PARL: variants seen among roughly 807,000 people sequenced by gnomAD.
PARL encodes presenilin-associated rhomboid-like protein, mitochondrial.
Under a neutral mutation model 51.6 loss-of-function variants are expected in PARL, and 44 were observed. That is an observed-to-expected ratio of 0.85 (90% CI 0.67 to 1.10). The LOEUF (loss-of-function observed/expected upper bound fraction) is 1.10, where lower values mean the gene tolerates loss of function less well. Among genes scored for constraint, PARL ranks in the 50% least tolerant of loss-of-function variants. The pLI is 0.00. For synonymous variants in PARL, 172 were observed against 164.0 expected, an observed-to-expected ratio of 1.05 and a Z score of -0.37; for missense variants, 441 against 469.5, an observed-to-expected ratio of 0.94 and a Z score of 0.56.
At chr3:183,884,293 T>G (rs1306790977) in intron 1 of PARL, among the ~76,000 whole-genome samples, 1 of 152,198 alleles carries the variant, frequency 6.6e-6, no homozygotes, top group Non-Finnish European at 1.5e-5. Context: ...GACTTCGTCC[T>G]CCCTTAGATC....
chr3:183,876,962 A>C (rs1233340832), intron 1 of PARL, among the ~76,000 whole-genome samples: 2 of 152,266 alleles, frequency 1.3e-5, no homozygotes, highest in African/African-American at 2.4e-5. Flanking sequence ...CTGTAATCCC[A>C]GTACCCTGGG....
At chr3:183,859,689 A>T (rs1252078836) in intron 4 of PARL, among the ~76,000 whole-genome samples, 1 of 152,150 alleles carries the variant, frequency 6.6e-6, no homozygotes, top group Non-Finnish European at 1.5e-5. Flanking sequence ...CAATAAAATA[A>T]ATTATGGGTA....
chr3:183,873,488 G>A (rs1485929187), intron 1 of PARL, among the ~76,000 whole-genome samples: 5 of 152,002 alleles, frequency 3.3e-5, no homozygotes, highest in East Asian at 1.9e-4. Flanking sequence ...GCAGTGAGGC[G>A]AGATCACGCC....
chr3:183,847,404 A>C (rs1166248052), intron 4 of PARL, among the ~76,000 whole-genome samples: 1 of 152,106 alleles, frequency 6.6e-6, no homozygotes, highest in Non-Finnish European at 1.5e-5. Flanking sequence ...CTTTACAAAA[A>C]AATGAACAAA....
intron 1 of PARL, among the ~76,000 whole-genome samples, chr3:183,882,222 AATATAT>A (rs1235101986): frequency 2.2e-5 from 1 of 46,112 alleles, no homozygotes; most frequent in South Asian, 7.5e-4. Context: ...AAAAAAAAAA[AATATAT>A]ATATATATAT....
At chr3:183,845,837 C>A (rs1729884504) in intron 4 of PARL, among the ~76,000 whole-genome samples, 1 of 152,132 alleles carries the variant, frequency 6.6e-6, no homozygotes, top group African/African-American at 2.4e-5. Flanking sequence ...CCAGAGTGCA[C>A]CCTTAGGTCT....
chr3:183,882,724 A>G (rs11716594), intron 1 of PARL, among the ~76,000 whole-genome samples: 6,638 of 152,226 alleles, frequency 0.044, 175 homozygotes, highest in Middle Eastern at 0.082. Context: ...TTGTTTTACA[A>G]TCCTTTAAAA....
rs541602663 is a variant in PARL, at chr3:183,836,165, C to T, written c.829-2340G>A. On this transcript the variant is annotated intron_variant, in intron 7 of 9. Coordinates refer to ENST00000317096, the MANE Select transcript of PARL (RefSeq NM_018622.7). ...CCGGGAGGCAGAGGTTGTAGCGAGC[C>T]GAGATCGCACCTTTGCACTCCAGCC... Among the ~76,000 whole-genome samples the T allele has an allele frequency of 3.6e-5, 5 of 139,114 alleles. 1 individual carries two copies. The East Asian group carries it at 6.4e-4, about 18-fold the overall frequency. The allele number at this position is 139,114 out of a possible 152,430, so 91.3% of individuals were successfully genotyped here. A position where few individuals can be genotyped will look rare whatever the true frequency, so the allele number is the denominator to read the frequency against.
intron 5 of PARL, 42 bp from the exon 6 acceptor site, chr3:183,842,489 C>A: frequency 6.3e-7 from 1 of 1,590,858 alleles, no homozygotes; most frequent in African/African-American, 1.3e-5. Context: ...ATGAAACACA[C>A]AGCCAATAAA....
intron 4 of PARL, among the ~76,000 whole-genome samples, chr3:183,859,223 A>G (rs1021032423): frequency 3.3e-5 from 5 of 152,054 alleles, no homozygotes; most frequent in African/African-American, 1.2e-4. Context: ...CTTGCCCGTG[A>G]GCAGAGATCA....
intron 1 of PARL, 60 bp downstream of exon 1, chr3:183,884,662 G>A: frequency 6.5e-7 from 1 of 1,537,652 alleles, no homozygotes; most frequent in Non-Finnish European, 8.8e-7. Context: ...CGCCCCCGAG[G>A]ATACACGGCC....
chr3:183,862,500 A>C, intron 4 of PARL: 1 of 467,162 alleles, frequency 2.1e-6, no homozygotes, highest in East Asian at 3.5e-5. Context: ...GCTATTCCAC[A>C]AGCTGGAATT....
chr3:183,868,936 TA>T (rs550225931), intron 1 of PARL, among the ~76,000 whole-genome samples: 333 of 151,948 alleles, frequency 2.2e-3, no homozygotes, highest in African/African-American at 7.3e-3. Flanking sequence ...CCCCAACAGT[TA>T]AAAAAAAATT....
At chr3:183,831,444 CA>C (rs1337078592) in intron 9 of PARL, among the ~76,000 whole-genome samples, 10 of 152,238 alleles carry the variant, frequency 6.6e-5, no homozygotes, top group African/African-American at 2.2e-4. Flanking sequence ...TCTGTAGCGG[CA>C]GCGCAAGCCA....
chr3:183,852,204 T>C (rs1434819338), intron 4 of PARL, among the ~76,000 whole-genome samples: 2 of 152,086 alleles, frequency 1.3e-5, no homozygotes, highest in African/African-American at 4.8e-5. Context: ...TGTCAGAACC[T>C]TTGTACATCA....
chr3:183,827,829 G>A (rs1308110684), downstream of PARL, among the ~76,000 whole-genome samples: 1 of 152,192 alleles, frequency 6.6e-6, no homozygotes, highest in East Asian at 1.9e-4. Context: ...GATTCTGTGG[G>A]TCTGGAGCTC....
chr3:183,858,314 G>A (rs1731395711), intron 4 of PARL, among the ~76,000 whole-genome samples: 1 of 152,086 alleles, frequency 6.6e-6, no homozygotes, highest in Non-Finnish European at 1.5e-5. Flanking sequence ...AAAGGTACAA[G>A]GAGAGAGAGA....
chr3:183,876,633 AAAAAAG>A (rs1560433891), intron 1 of PARL, among the ~76,000 whole-genome samples: 49 of 97,326 alleles, frequency 5.0e-4, no homozygotes, highest in South Asian at 3.7e-3. Flanking sequence ...AAAAAAAAAA[AAAAAAG>A]AAAAAGAAAA....
At chr3:183,828,320 T>C (rs985931381), downstream of PARL, among the ~76,000 whole-genome samples, 6 of 152,236 alleles carry the variant, frequency 3.9e-5, no homozygotes, top group Non-Finnish European at 7.3e-5. Flanking sequence ...CAGCCTCCTA[T>C]CCCATCTCTG....
Sources: allele counts gnomAD v4.1 joint callset (sites outside exome capture counted in the v4.1 genomes callset), GRCh38; gene constraint gnomAD v4.1.1; transcripts MANE v1.5; gene names NCBI Gene and HGNC (gene_info 2026-07-23, HGNC 2026-07-21).